The following DOCK1 variants were observed in gnomAD, a reference collection of about 807,000 sequenced individuals.
DOCK1 encodes dedicator of cytokinesis protein 1.
DOCK1 carries 138 observed loss-of-function variants against 262.7 expected under a neutral mutation model. That is an observed-to-expected ratio of 0.53 (90% CI 0.46 to 0.61). DOCK1 has a LOEUF of 0.61. DOCK1 is among the 20% of genes least tolerant of loss of function. The probability of loss-of-function intolerance (pLI) is 0.00; values close to 1 mark genes in which losing one functional copy is unlikely to be tolerated. For missense variants in DOCK1, 1,908 were observed against 2,370.7 expected, an observed-to-expected ratio of 0.80 and a Z score of 4.05; for synonymous variants, 866 against 867.4, an observed-to-expected ratio of 1.00 and a Z score of 0.03.
rs150148752 is a variant in DOCK1, at chr10:127,100,924, C to T, written c.2446-5307C>T. On this transcript the variant is annotated intron_variant, in intron 23 of 51. Coordinates refer to ENST00000623213, the MANE Select transcript of DOCK1 (RefSeq NM_001290223.2). This position sits in a 1 kb window ranked among gnomAD's most constrained non-coding sequence, Gnocchi z 5.5. ...GGTATTGTCCGATGGAGCAGAGGCTCGCAGGGCCTGGGGCTGCTTTTCCGG... is the reference window on the plus strand; with the variant it reads ...GGTATTGTCCGATGGAGCAGAGGCTTGCAGGGCCTGGGGCTGCTTTTCCGG... Among the ~76,000 whole-genome samples, 909 of 152,074 alleles carry T rather than the reference C, an allele frequency of 6.0e-3. 4 individuals are homozygous for T. Among genetic ancestry groups the T allele is most frequent in the African/African-American group, 0.012 (492 of 41,512 alleles).
intron 50 of DOCK1, among the ~76,000 whole-genome samples, chr10:127,445,579 C>T (rs1332514606): frequency 6.6e-6 from 1 of 152,196 alleles, no homozygotes; most frequent in Non-Finnish European, 1.5e-5. Context: ...ATCACTGCTG[C>T]TGCGGAAAAC....
At chr10:127,343,871 G>T (rs769568422) in intron 31 of DOCK1, 125 bp downstream of exon 31, 33 of 783,714 alleles carry the variant, frequency 4.2e-5, no homozygotes, top group Non-Finnish European at 6.0e-5. Context: ...TGAAAGGGTG[G>T]TTTTAAATCA....
chr10:127,113,318 T>C (rs1247185852), intron 25 of DOCK1, among the ~76,000 whole-genome samples: 2 of 152,296 alleles, frequency 1.3e-5, no homozygotes, highest in African/African-American at 2.4e-5. Flanking sequence ...GTGTTCAGAA[T>C]GTGTCACTGT....
intron 27 of DOCK1, among the ~76,000 whole-genome samples, chr10:127,198,646 G>C (rs1165789925): frequency 6.6e-6 from 1 of 152,152 alleles, no homozygotes; most frequent in East Asian, 1.9e-4. Context: ...AGAGTATAAC[G>C]GAATTCTGTA....
chr10:127,236,500 G>GT (rs771387854), intron 27 of DOCK1, among the ~76,000 whole-genome samples: 21,267 of 66,600 alleles, frequency 0.32, 4,913 homozygotes, highest in East Asian at 0.52. Flanking sequence ...CTTGACACGG[G>GT]TTTTTTTTTT....
intron 28 of DOCK1, among the ~76,000 whole-genome samples, chr10:127,255,387 G>A (rs1055616025): frequency 3.9e-5 from 6 of 152,074 alleles, no homozygotes; most frequent in African/African-American, 1.4e-4. Flanking sequence ...GTGAGGGAAT[G>A]AAATAAATAA....
intron 27 of DOCK1, among the ~76,000 whole-genome samples, chr10:127,216,321 A>G (rs1426888791): frequency 6.6e-6 from 1 of 152,028 alleles, no homozygotes; most frequent in Non-Finnish European, 1.5e-5. Context: ...AAAAAAAAAA[A>G]AAAAGAAAAA....
rs140608182 is a variant in DOCK1 at position 127,387,903 on chromosome 10, T to G, written c.3927+2994T>G. On this transcript the variant is annotated intron_variant, in intron 38 of 51. Transcript: ENST00000623213. ...GGTAGCCAAATATCTTTTCCTACATTGTGATAGTTCATCAAAAAAATCATA... is the reference window on the plus strand; with the variant it reads ...GGTAGCCAAATATCTTTTCCTACATGGTGATAGTTCATCAAAAAAATCATA... Among the ~76,000 whole-genome samples, 3 of 151,688 alleles carry G rather than the reference T, an allele frequency of 2.0e-5. No homozygotes were observed. In the East Asian group the frequency reaches 5.9e-4, roughly 30 times the overall value.
intron 1 of DOCK1, among the ~76,000 whole-genome samples, chr10:126,926,508 A>G (rs186896819): frequency 6.6e-6 from 1 of 152,244 alleles, no homozygotes; most frequent in Non-Finnish European, 1.5e-5. Flanking sequence ...CTTAATAAAC[A>G]TTCTATGCCA....
intron 27 of DOCK1, among the ~76,000 whole-genome samples, chr10:127,152,713 G>A (rs1022770873): frequency 2.0e-5 from 3 of 152,218 alleles, no homozygotes; most frequent in Non-Finnish European, 1.5e-5. Flanking sequence ...AACTGAAAAC[G>A]TCTCCTTCCA....
At chr10:127,415,694 AC>A (rs1185590393) in intron 44 of DOCK1, among the ~76,000 whole-genome samples, 4 of 152,094 alleles carry the variant, frequency 2.6e-5, no homozygotes, top group African/African-American at 9.7e-5. Flanking sequence ...CTGAGAACAT[AC>A]CCCTCCCTGA....
intron 27 of DOCK1, among the ~76,000 whole-genome samples, chr10:127,166,336 A>G (rs370803084): frequency 4.5e-4 from 69 of 152,110 alleles, no homozygotes; most frequent in African/African-American, 1.4e-3. Flanking sequence ...AAGTGCTGGG[A>G]TTACAGGCGT....
At chr10:127,262,213 C>CATGTGTGT (rs372547717) in intron 29 of DOCK1, among the ~76,000 whole-genome samples, 1,371 of 126,556 alleles carry the variant, frequency 0.011, 73 homozygotes, top group East Asian at 0.1. Flanking sequence ...TGTGTGTGTG[C>CATGTGTGT]GTGTGTGTGT....
chr10:127,231,456 G>C (rs1267693157), intron 27 of DOCK1, among the ~76,000 whole-genome samples: 1 of 151,260 alleles, frequency 6.6e-6, no homozygotes, highest in African/African-American at 2.4e-5. Flanking sequence ...GTCTCTCTCT[G>C]TTGCCCAGGT....
chr10:127,403,187 T>C, intron 39 of DOCK1, 43 bp downstream of exon 39: 1 of 1,543,258 alleles, frequency 6.5e-7, no homozygotes, highest in Non-Finnish European at 8.8e-7. Flanking sequence ...ACAGGCAATC[T>C]CAGCTGGTTT....
At chr10:127,152,949 C>A (rs1052715238) in intron 27 of DOCK1, among the ~76,000 whole-genome samples, 2 of 152,158 alleles carry the variant, frequency 1.3e-5, no homozygotes, top group Admixed American at 1.3e-4. Flanking sequence ...TGGGAGAGAA[C>A]CCTGATGGGT....
At chr10:126,953,921 C>T (rs1199180175) in intron 1 of DOCK1, among the ~76,000 whole-genome samples, 1 of 152,104 alleles carries the variant, frequency 6.6e-6, no homozygotes, top group Non-Finnish European at 1.5e-5. Flanking sequence ...GAGAGATGTT[C>T]AGTAGTTTGC....
chr10:127,194,602 T>C (rs947949474), intron 27 of DOCK1, among the ~76,000 whole-genome samples: 4 of 152,212 alleles, frequency 2.6e-5, no homozygotes, highest in African/African-American at 9.6e-5. Context: ...ACTCTGGGAA[T>C]GGCCCGGGTC....
chr10:127,043,589 C>T (rs904384235), intron 21 of DOCK1, among the ~76,000 whole-genome samples: 2 of 152,210 alleles, frequency 1.3e-5, no homozygotes, highest in Non-Finnish European at 2.9e-5. Context: ...TCTCCTTGCT[C>T]TTTAAAGAGC....
Sources: gnomAD v4.1 joint callset for allele counts (sites outside exome capture counted in the v4.1 genomes callset) on GRCh38, gnomAD v4.1.1 for gene constraint, Gnocchi (gnomAD v3.1) non-coding constraint, MANE v1.5 for transcripts, NCBI Gene and HGNC (gene_info 2026-07-23, HGNC 2026-07-21) for gene names.